Variants in ATP11A observed in about 807,000 individuals in gnomAD.
The protein encoded by ATP11A is phospholipid-transporting ATPase IH.
A neutral mutation model predicts 154.4 loss-of-function variants in ATP11A; 81 were observed. That is an observed-to-expected ratio of 0.52 (90% confidence interval 0.44 to 0.63). ATP11A has a LOEUF of 0.63. Ranked by LOEUF, ATP11A falls within the 30% of genes least tolerant of loss-of-function variation. The pLI is 0.00. For synonymous variants in ATP11A, 623 were observed against 585.9 expected (o/e 1.06, Z -0.91); for missense variants, 1,316 against 1,474.3 (o/e 0.89, Z 1.76).
intron 1 of ATP11A, among the ~76,000 whole-genome samples, chr13:112,741,583 A>G (rs1485257501): frequency 6.6e-6 from 1 of 152,162 alleles, no homozygotes. Context: ...GGGGCAGGCC[A>G]TAGCCTCACT....
At chr13:112,820,496 A>G (rs969998296) in intron 8 of ATP11A, among the ~76,000 whole-genome samples, 1 of 152,204 alleles carries the variant, frequency 6.6e-6, no homozygotes, top group African/African-American at 2.4e-5. Context: ...CCCATTCACC[A>G]GCATGGACCC....
At chr13:112,724,019 T>C (rs926905679) in intron 1 of ATP11A, among the ~76,000 whole-genome samples, 11 of 151,778 alleles carry the variant, frequency 7.2e-5, no homozygotes, top group African/African-American at 2.7e-4. Context: ...ATAAAGAAGA[T>C]GAGCATCGCC....
chr13:112,712,516 C>A (rs1887878413), intron 1 of ATP11A, among the ~76,000 whole-genome samples: 1 of 152,086 alleles, frequency 6.6e-6, no homozygotes, highest in Admixed American at 6.6e-5. Context: ...GGACAGCAAC[C>A]CCGTCCTGTC....
rs144670445 is a variant in ATP11A, at chr13:112,727,087, G to A, written c.39+36632G>A. On this transcript the variant is annotated intron_variant, in intron 1 of 29. Coordinates refer to ENST00000375645, the MANE Select transcript of ATP11A (RefSeq NM_015205.3). Reference sequence around the variant, plus strand: ...TCTTGAGACAGATTGTTGCTCTGTCGCCCAGGCTGGAGTGCAGCAGCACAA... The same window carrying A: ...TCTTGAGACAGATTGTTGCTCTGTCACCCAGGCTGGAGTGCAGCAGCACAA... Among the ~76,000 whole-genome samples, 66 of 152,070 alleles carry A rather than the reference G, an allele frequency of 4.3e-4. 1 individual carries two copies. Among genetic ancestry groups the A allele is most frequent in the South Asian group, 4.2e-4 (2 of 4,818 alleles).
intron 1 of ATP11A, among the ~76,000 whole-genome samples, chr13:112,769,789 A>G (rs1479024430): frequency 6.6e-6 from 1 of 152,180 alleles, no homozygotes; most frequent in African/African-American, 2.4e-5. Context: ...AGGCACCGTG[A>G]AGGCACCGTG....
intron 1 of ATP11A, among the ~76,000 whole-genome samples, chr13:112,699,773 G>A (rs1045068348): frequency 1.3e-5 from 2 of 152,166 alleles, no homozygotes; most frequent in Non-Finnish European, 2.9e-5. Context: ...CTCCTGCCGG[G>A]GAGCCTGTGT....
chr13:112,730,376 C>T (rs936089909), intron 1 of ATP11A, among the ~76,000 whole-genome samples: 1 of 152,238 alleles, frequency 6.6e-6, no homozygotes, highest in Non-Finnish European at 1.5e-5. Flanking sequence ...TGGCAAATTC[C>T]TGGCATGGAA....
chr13:112,834,482 T>C, intron 14 of ATP11A, 107 bp from the exon 15 acceptor site: 1 of 728,528 alleles, frequency 1.4e-6, no homozygotes, highest in East Asian at 2.5e-5. Flanking sequence ...TAACTGAAAG[T>C]ATTTCTTTTT....
intron 1 of ATP11A, among the ~76,000 whole-genome samples, chr13:112,757,818 T>C (rs550238529): frequency 6.6e-6 from 1 of 152,262 alleles, no homozygotes; most frequent in East Asian, 1.9e-4. Flanking sequence ...AGTGTTTCGC[T>C]GCAGTCTGTG....
intron 17 of ATP11A, among the ~76,000 whole-genome samples, chr13:112,848,471 T>C (rs1011311068): frequency 1.3e-5 from 2 of 152,186 alleles, no homozygotes; most frequent in African/African-American, 2.4e-5. Flanking sequence ...TTCATGGTCT[T>C]CTGGATATAG....
At chr13:112,695,480 A>C (rs967613709) in intron 1 of ATP11A, among the ~76,000 whole-genome samples, 1 of 152,176 alleles carries the variant, frequency 6.6e-6, no homozygotes, top group Non-Finnish European at 1.5e-5. Context: ...AATCATTTCC[A>C]TTGCTTTTTG....
chr13:112,716,716 G>C (rs549334027), intron 1 of ATP11A, among the ~76,000 whole-genome samples: 13 of 152,328 alleles, frequency 8.5e-5, no homozygotes, highest in South Asian at 8.3e-4. Flanking sequence ...TTCCTCCCCA[G>C]GTCTCAGCCA....
chr13:112,841,622 G>A lies in ATP11A; in HGVS notation c.1706-654G>A, dbSNP rs923744268. 4.6e-5 allele frequency among the ~76,000 whole-genome samples: 7 copies of A among 152,168 alleles called. No individual in the cohort carries two copies. The South Asian group carries it at 6.2e-4, about 14-fold the overall frequency. On this transcript the variant is annotated intron_variant, in intron 16 of 29. Transcript: ENST00000375645. ...TGGCAGAGTGCCACGTGGCTTCGCC[G>A]TCCAGGGATGCTTCAGGTGCAGAGG...
intron 17 of ATP11A, among the ~76,000 whole-genome samples, chr13:112,846,235 A>T (rs747556228): frequency 1.3e-4 from 20 of 152,028 alleles, no homozygotes; most frequent in Non-Finnish European, 2.9e-4. Context: ...TATTCTACAG[A>T]TATTTTTCTT....
intron 1 of ATP11A, among the ~76,000 whole-genome samples, chr13:112,695,654 A>G (rs80126110): frequency 0.011 from 1,733 of 152,324 alleles, 41 homozygotes; most frequent in African/African-American, 0.04. Context: ...TCAGTTTACA[A>G]TTAGTTAAAA....
chr13:112,828,084 GT>G (rs67968639), intron 12 of ATP11A, among the ~76,000 whole-genome samples: 2 of 121,986 alleles, frequency 1.6e-5, no homozygotes, highest in African/African-American at 6.4e-5. Flanking sequence ...AGCGTTGAGT[GT>G]GGGGGAAAGC....
intron 27 of ATP11A, among the ~76,000 whole-genome samples, chr13:112,873,917 G>T (rs1055430075): frequency 2.0e-5 from 3 of 152,158 alleles, no homozygotes. Flanking sequence ...ATAACAGCTT[G>T]TGACGAGTTA....
intron 1 of ATP11A, among the ~76,000 whole-genome samples, chr13:112,717,983 G>A (rs2139612712): frequency 6.6e-6 from 1 of 152,300 alleles, no homozygotes; most frequent in East Asian, 1.9e-4. Flanking sequence ...AGCCGAGTCA[G>A]GAGAATCACT....
chr13:112,732,692 A>G (rs1425674398), intron 1 of ATP11A, among the ~76,000 whole-genome samples: 2 of 151,756 alleles, frequency 1.3e-5, no homozygotes, highest in East Asian at 1.9e-4. Flanking sequence ...GCTCACTGCA[A>G]CCTCCCCCTC....
Sources: gnomAD v4.1 joint callset for allele counts (sites outside exome capture counted in the v4.1 genomes callset) on GRCh38, gnomAD v4.1.1 for gene constraint, MANE v1.5 for transcripts, NCBI Gene and HGNC (gene_info 2026-07-23, HGNC 2026-07-21) for gene names.